Variants in ARAP1 observed in about 807,000 individuals in gnomAD.
The protein encoded by ARAP1 is arf-GAP with Rho-GAP domain, ANK repeat and PH domain-containing protein 1.
A neutral mutation model predicts 172.2 loss-of-function variants in ARAP1; 76 were observed. The ratio of observed to expected loss-of-function variants is 0.44; its 90% confidence interval spans 0.37 to 0.53. The LOEUF is 0.53. Among genes scored for constraint, ARAP1 ranks in the 20% least tolerant of loss-of-function variants. The pLI is 0.00. For missense variants in ARAP1, 1,686 were observed against 1,977.5 expected (o/e 0.85, Z 2.80); for synonymous variants, 804 against 803.3 (o/e 1.00, Z -0.01).
intron 31 of ARAP1, among the ~76,000 whole-genome samples, chr11:72,688,010 T>C (rs7946878): frequency 1.3e-5 from 2 of 151,760 alleles, no homozygotes; most frequent in South Asian, 4.1e-4. Context: ...TGTTGTTGTT[T>C]TTTTTTTGAG....
chr11:72,742,496 G>A (rs1222953721), intron 1 of ARAP1, among the ~76,000 whole-genome samples: 1 of 152,164 alleles, frequency 6.6e-6, no homozygotes, highest in Non-Finnish European at 1.5e-5. Flanking sequence ...AGGGGACAGC[G>A]TGAAGACAGG....
intron 1 of ARAP1, among the ~76,000 whole-genome samples, chr11:72,739,197 T>G (rs1858128764): frequency 6.6e-6 from 1 of 152,136 alleles, no homozygotes. Context: ...CCAAGCAGCC[T>G]ATTTTCCATC....
In ARAP1 at chr11:72,709,994, C is replaced by A. The variant is rs371239023; in HGVS notation, c.1417-18G>T. ...TGGTACTCCTGGAGGGCAGATGGGACGGGATGAGGGCAAGGCTTTGGGGGC... is the reference window on the plus strand; with the variant it reads ...TGGTACTCCTGGAGGGCAGATGGGAAGGGATGAGGGCAAGGCTTTGGGGGC... On this transcript the variant is annotated intron_variant, in intron 10 of 34. Transcript: ENST00000393609. 2.5e-6 allele frequency: 4 copies of A among 1,606,540 alleles called. No individual in the cohort carries two copies. The highest frequency in any genetic ancestry group is 3.4e-6 in the Non-Finnish European group (4 of 1,173,702).
intron 30 of ARAP1, chr11:72,688,886 T>C (rs1450440947): frequency 1.6e-5 from 4 of 245,366 alleles, no homozygotes; most frequent in African/African-American, 4.5e-5. Flanking sequence ...AATCAGATTG[T>C]ATGTGGAGGG....
intron 12 of ARAP1, 70 bp from the exon 13 acceptor site, chr11:72,705,960 T>TA: frequency 2.6e-6 from 4 of 1,516,142 alleles, no homozygotes; most frequent in Non-Finnish European, 3.6e-6. Flanking sequence ...CCACCCCCAG[T>TA]GTCTACTGGG....
chr11:72,688,929 G>C lies in ARAP1; in HGVS notation c.3988-392C>G, dbSNP rs529474111. On this transcript the variant is annotated intron_variant, in intron 30 of 34. Coordinates refer to ENST00000393609, the MANE Select transcript of ARAP1 (RefSeq NM_001040118.3). Reference sequence around the variant, plus strand: ...TACATCCTCCCCCAGCACCAAACTGGAACGAGCGGGTGTGATCAGAGAGCC... The same window carrying C: ...TACATCCTCCCCCAGCACCAAACTGCAACGAGCGGGTGTGATCAGAGAGCC... The C allele has an allele frequency of 8.7e-5, 17 of 194,430 alleles. No homozygotes were observed. In the South Asian group the frequency reaches 1.4e-3, roughly 16 times the overall value. The allele number at this position is 194,430 out of a possible 1,614,324, so 12.0% of individuals were successfully genotyped here. A position where few individuals can be genotyped will look rare whatever the true frequency, so the allele number is the denominator to read the frequency against.
chr11:72,685,552 GCA>G lies in ARAP1; in HGVS notation c.*110_*111del. On this transcript the variant is annotated 3_prime_UTR_variant, in exon 35 of 35. Coordinates refer to ENST00000393609, the MANE Select transcript of ARAP1 (RefSeq NM_001040118.3). The stretch of plus-strand genomic sequence containing the variant: ...GGATGGAGGATGTGGGTTGTGGGGT[GCA>G]GTTTCCCATGCACCCCCCGCTGGCT... 1 of 1,430,442 alleles carries G rather than the reference GCA, an allele frequency of 7.0e-7. No homozygotes were observed. The highest frequency in any genetic ancestry group is 9.8e-7 in the Non-Finnish European group (1 of 1,016,554). The allele number at this position is 1,430,442 out of a possible 1,614,324, so 88.6% of individuals were successfully genotyped here.
Position 72,713,610 on chromosome 11 carries a change from G to A in ARAP1, c.680-367C>T, listed in dbSNP as rs1005995665. Reference sequence around the variant, plus strand: ...TGCCTGTAATCCCAGCACTTTGGGAGGCTGAGGTGGGCAGATCACGAACTC... The same window carrying A: ...TGCCTGTAATCCCAGCACTTTGGGAAGCTGAGGTGGGCAGATCACGAACTC... On this transcript the variant is annotated intron_variant, in intron 4 of 34. Transcript: ENST00000393609. Among the ~76,000 whole-genome samples, 8 of 152,274 alleles carry A rather than the reference G, an allele frequency of 5.3e-5. No individual in the cohort carries two copies. The East Asian group carries it at 1.5e-3, about 29-fold the overall frequency.
chr11:72,722,383 A>G lies in ARAP1; in HGVS notation c.509+4237T>C, dbSNP rs182721405. Reference sequence around the variant, plus strand: ...TCACCCAGAATCCCCCGGGGCAGACACTTCCTCCCCGCCCCCAGGCTGCAC... The same window carrying G: ...TCACCCAGAATCCCCCGGGGCAGACGCTTCCTCCCCGCCCCCAGGCTGCAC... On this transcript the variant is annotated intron_variant, in intron 3 of 34. Coordinates refer to ENST00000393609, the MANE Select transcript of ARAP1 (RefSeq NM_001040118.3). 360 of 984,120 alleles carry G rather than the reference A, an allele frequency of 3.7e-4. 2 individuals are homozygous for G. The African/African-American group carries it at 5.8e-3, about 16-fold the overall frequency. 61.0% of individuals were successfully genotyped at this position (984,120 alleles called of 1,614,324 possible). A position where few individuals can be genotyped will look rare whatever the true frequency, so the allele number is the denominator to read the frequency against.
At chr11:72,739,649 C>T (rs973895037) in intron 1 of ARAP1, among the ~76,000 whole-genome samples, 2 of 152,190 alleles carry the variant, frequency 1.3e-5, no homozygotes, top group Non-Finnish European at 2.9e-5. Flanking sequence ...TCCCTGCCTC[C>T]TAGAGCCTGG....
chr11:72,695,781 C>A lies in ARAP1; in HGVS notation c.3357G>T (p.Gly1119=). 1 of 1,614,232 alleles carries A rather than the reference C, an allele frequency of 6.2e-7. No individual in the cohort carries two copies. The highest frequency in any genetic ancestry group is 2.2e-5 in the East Asian group (1 of 44,888). ...CCACACGGCCAGCCTTGTAGTCCTGCCCATCTGTCTGGAAGAGCGTGGGCC... is the reference window on the plus strand; with the variant it reads ...CCACACGGCCAGCCTTGTAGTCCTGACCATCTGTCTGGAAGAGCGTGGGCC... ...VFGPTLFQTD[G]QDYKAGRVVE... is the part of the protein sequence containing the mutation. Residue 1119 remains glycine (G), a synonymous_variant, in exon 24 of 35, where the codon GGG becomes GGT. Coordinates refer to ENST00000393609, the MANE Select transcript of ARAP1 (RefSeq NM_001040118.3). The surrounding 1 kb of genome is among the most constrained non-coding windows in gnomAD (Gnocchi z 4.4).
Position 72,697,945 on chromosome 11 carries a change from T to C in ARAP1, c.2703A>G (p.Glu901=). Residue 901 remains glutamate, a synonymous_variant, in exon 19 of 35, where the codon GAA becomes GAG. Transcript: ENST00000393609. ...LRAVFPEGPC[E]EPLQLRKLQE... is the part of the protein sequence containing the mutation. ...GCAGTTTCCGTAGTTGCAGCGGCTC[T>C]TCGCAGGGCCCCTCCGGGAAGACAG... is the stretch of plus-strand genomic sequence containing the variant. The C allele has an allele frequency of 6.2e-7, 1 of 1,609,752 alleles. No individual in the cohort carries two copies. The highest frequency in any genetic ancestry group is 8.5e-7 in the Non-Finnish European group (1 of 1,178,030).
chr11:72,705,430 C>T (rs2135527350), intron 13 of ARAP1: 1 of 186,960 alleles, frequency 5.3e-6, no homozygotes, highest in Non-Finnish European at 1.1e-5. Context: ...TGCCCAGGAC[C>T]TCAGTTTACA....
rs773414235 is a variant in ARAP1, at chr11:72,693,475, G to A, written c.3809-5C>T. 1 of 1,612,064 alleles carries A rather than the reference G, an allele frequency of 6.2e-7. No individual in the cohort carries two copies. Among genetic ancestry groups the A allele is most frequent in the Non-Finnish European group, 8.5e-7 (1 of 1,178,774 alleles). On this transcript the variant is annotated splice_region_variant and splice_polypyrimidine_tract_variant and intron_variant, in intron 28 of 34. Coordinates refer to ENST00000393609, the MANE Select transcript of ARAP1 (RefSeq NM_001040118.3). This position sits in a 1 kb window ranked among gnomAD's most constrained non-coding sequence, Gnocchi z 4.6. The stretch of plus-strand genomic sequence containing the variant: ...TGGTGTCACCGACACGGCTGGCTGG[G>A]GGGTGGGACTGGAGTGGGCACAGGC...
intron 3 of ARAP1, among the ~76,000 whole-genome samples, chr11:72,715,097 T>C (rs1450523485): frequency 6.6e-6 from 1 of 152,262 alleles, no homozygotes; most frequent in Non-Finnish European, 1.5e-5. Context: ...TGAATTTGAA[T>C]CCTGCCTTAG....
chr11:72,734,125 C>T (rs1857943409), intron 1 of ARAP1, among the ~76,000 whole-genome samples: 1 of 152,164 alleles, frequency 6.6e-6, no homozygotes, highest in Non-Finnish European at 1.5e-5. Context: ...CACACCTTGC[C>T]TTATTTTATT....
chr11:72,717,260 GGC>G (rs1209366468), intron 3 of ARAP1, among the ~76,000 whole-genome samples: 1 of 152,188 alleles, frequency 6.6e-6, no homozygotes, highest in East Asian at 1.9e-4. Context: ...CCAAGAGGAA[GGC>G]GCCTTGGAAA....
chr11:72,724,321 C>T (rs1162921997), intron 3 of ARAP1, among the ~76,000 whole-genome samples: 1 of 152,176 alleles, frequency 6.6e-6, no homozygotes, highest in East Asian at 1.9e-4. Context: ...TGACCGGCCT[C>T]AGCCACCACA....
At chr11:72,730,508 T>C (rs1270503166) in intron 2 of ARAP1, among the ~76,000 whole-genome samples, 5 of 152,090 alleles carry the variant, frequency 3.3e-5, no homozygotes, top group Non-Finnish European at 7.4e-5. Flanking sequence ...ACCAGTCTGG[T>C]CAACATGGTA....
Sources: gnomAD v4.1 joint callset for allele counts (sites outside exome capture counted in the v4.1 genomes callset) on GRCh38, gnomAD v4.1.1 for gene constraint, Gnocchi (gnomAD v3.1) non-coding constraint, MANE v1.5 for transcripts, NCBI Gene and HGNC (gene_info 2026-07-23, HGNC 2026-07-21) for gene names.